NAPA: variants seen among roughly 807,000 people sequenced by gnomAD.
NAPA encodes the protein alpha-soluble NSF attachment protein.
NAPA carries 18 observed loss-of-function variants against 48.0 expected under a neutral mutation model. The ratio of observed to expected loss-of-function variants is 0.38; its 90% CI spans 0.26 to 0.56. The LOEUF (loss-of-function observed/expected upper bound fraction) is 0.56. Ranked by LOEUF, NAPA falls within the 20% of genes least tolerant of loss-of-function variation. NAPA has a pLI of 0.77. For synonymous variants in NAPA, 152 were observed against 149.9 expected (o/e 1.01, Z -0.10); for missense variants, 315 against 385.0 (o/e 0.82, Z 1.52).
At chr19:47,494,569 C>T (rs547153813) in intron 4 of NAPA, among the ~76,000 whole-genome samples, 2 of 152,022 alleles carry the variant, frequency 1.3e-5, no homozygotes, top group South Asian at 4.2e-4. Flanking sequence ...GAAACCACAT[C>T]TCTACTGAAA....
chr19:47,494,780 C>CA (rs1968376586), intron 4 of NAPA, among the ~76,000 whole-genome samples: 1 of 145,682 alleles, frequency 6.9e-6, no homozygotes, highest in African/African-American at 2.5e-5. Flanking sequence ...AAAGCACTGA[C>CA]AGGAGCCCCG....
intron 2 of NAPA, among the ~76,000 whole-genome samples, chr19:47,501,246 C>T (rs1439933887): frequency 6.6e-6 from 1 of 152,184 alleles, no homozygotes; most frequent in African/African-American, 2.4e-5. Flanking sequence ...GGGCCCAGAA[C>T]CACCACTAGA....
chr19:47,513,539 G>C (rs1228646377), intron 1 of NAPA, among the ~76,000 whole-genome samples: 1 of 152,168 alleles, frequency 6.6e-6, no homozygotes, highest in Non-Finnish European at 1.5e-5. Context: ...GCACTTCTAA[G>C]CCACTACAAT....
At position 47,506,573 on chromosome 19, in the gene NAPA, G is replaced by C. The variant is rs1365343513; in HGVS notation, c.99-3071C>G. ...TCTGAAAAAGCACAGACCCTGGATG[G>C]GCAGAAATGACCCACGTCACTGAGT... On this transcript the variant is annotated intron_variant, in intron 1 of 10. Transcript: ENST00000263354. This position sits in a 1 kb window ranked among gnomAD's most constrained non-coding sequence, Gnocchi z 4.0. Among the ~76,000 whole-genome samples the C allele has an allele frequency of 6.6e-6, 1 of 152,202 alleles. No individual in the cohort carries two copies. The highest frequency in any genetic ancestry group is 1.5e-5 in the Non-Finnish European group (1 of 68,046).
chr19:47,499,995 C>T (rs571067620), intron 3 of NAPA, among the ~76,000 whole-genome samples: 123 of 152,320 alleles, frequency 8.1e-4, no homozygotes, highest in African/African-American at 2.3e-3. Flanking sequence ...TTAAAATTCC[C>T]GCCACATGCA....
intron 8 of NAPA, among the ~76,000 whole-genome samples, chr19:47,491,753 G>A (rs967689335): frequency 5.9e-5 from 9 of 152,184 alleles, no homozygotes; most frequent in African/African-American, 1.7e-4. Context: ...GGGGTGCAGT[G>A]AGGATTCAAA....
chr19:47,492,481 C>T (rs553279532), intron 7 of NAPA: 15 of 391,232 alleles, frequency 3.8e-5, no homozygotes, highest in East Asian at 3.5e-4. Flanking sequence ...TGAGAGGCGG[C>T]GCCCGCCCCT....
At chr19:47,491,081 G>T (rs1968253372) in intron 8 of NAPA, 1 of 477,734 alleles carries the variant, frequency 2.1e-6, no homozygotes, top group Admixed American at 3.9e-5. Flanking sequence ...GGTGGGTGGA[G>T]GGGGAAGGTT....
chr19:47,488,136 G>A lies in NAPA; in HGVS notation c.*152C>T, dbSNP rs537704161. The stretch of plus-strand genomic sequence containing the variant: ...CCGGCCAGCAGCCTGGGCCTCTGGC[G>A]CCCCTGCATGCTGACCCCCGGTGCC... On this transcript the variant is annotated 3_prime_UTR_variant, in exon 11 of 11. Coordinates refer to ENST00000263354, the MANE Select transcript of NAPA (RefSeq NM_003827.4). The A allele has an allele frequency of 6.1e-5, 39 of 636,984 alleles. No individual in the cohort carries two copies. Among genetic ancestry groups the A allele is most frequent in the African/African-American group, 2.0e-4 (11 of 55,068 alleles). 39.5% of individuals were successfully genotyped at this position (636,984 alleles called of 1,614,324 possible).
In NAPA at chr19:47,488,429, C is replaced by T. The variant is rs774864839; in HGVS notation, c.787-40G>A. 7.2e-5 allele frequency: 110 copies of T among 1,532,206 alleles called. No homozygotes were observed. The South Asian group carries it at 7.2e-4, about 10-fold the overall frequency. 94.9% of individuals were successfully genotyped at this position (1,532,206 alleles called of 1,614,324 possible). ...GGTGATAGGCTGGCCATGCTCCCCC[C>T]GTTCCCAACCCTGCAGCCCAAGGGC... On this transcript the variant is annotated intron_variant, in intron 10 of 10. Transcript: ENST00000263354.
chr19:47,486,607 C>A (rs1010782337), downstream of NAPA, among the ~76,000 whole-genome samples: 40 of 152,326 alleles, frequency 2.6e-4, no homozygotes, highest in Non-Finnish European at 4.6e-4. Flanking sequence ...AGCCCCAAGT[C>A]TGGATACTTT....
intron 1 of NAPA, among the ~76,000 whole-genome samples, chr19:47,514,228 A>T (rs999906370): frequency 6.6e-6 from 1 of 151,770 alleles, no homozygotes; most frequent in African/African-American, 2.4e-5. Flanking sequence ...CACACTTCAG[A>T]CGCGGCTCAC....
intron 1 of NAPA, among the ~76,000 whole-genome samples, chr19:47,507,492 G>C (rs1396021598): frequency 6.6e-6 from 1 of 152,118 alleles, no homozygotes; most frequent in Non-Finnish European, 1.5e-5. Flanking sequence ...CACGAGGCAG[G>C]GTGGACAAAG....
downstream of NAPA, among the ~76,000 whole-genome samples, chr19:47,486,372 A>C (rs554684992): frequency 2.0e-5 from 3 of 152,136 alleles, no homozygotes; most frequent in East Asian, 5.8e-4. Context: ...AAACAAACCC[A>C]AAAACCCCCA....
intron 2 of NAPA, among the ~76,000 whole-genome samples, chr19:47,502,292 G>A (rs116049214): frequency 0.02 from 3,009 of 150,934 alleles, 50 homozygotes; most frequent in Middle Eastern, 0.055. Flanking sequence ...GGATATTACC[G>A]GGGGGAAATG....
At chr19:47,507,754 C>T (rs1026814966) in intron 1 of NAPA, among the ~76,000 whole-genome samples, 6 of 152,202 alleles carry the variant, frequency 3.9e-5, no homozygotes, top group African/African-American at 1.4e-4. Context: ...GCCTCCCAGG[C>T]ACTCCCCTGG....
At chr19:47,490,004 A>G (rs1159347562) in intron 9 of NAPA, among the ~76,000 whole-genome samples, 5 of 151,740 alleles carry the variant, frequency 3.3e-5, no homozygotes, top group African/African-American at 1.2e-4. Flanking sequence ...CATCACACAG[A>G]ATGTGTGTGT....
At chr19:47,485,061 A>G (rs1248641795), downstream of NAPA, among the ~76,000 whole-genome samples, 1 of 152,138 alleles carries the variant, frequency 6.6e-6, no homozygotes. Flanking sequence ...CTTGCCCCCA[A>G]GGAAAAATGA....
intron 4 of NAPA, among the ~76,000 whole-genome samples, chr19:47,494,319 A>G (rs907940351): frequency 6.6e-6 from 1 of 152,144 alleles, no homozygotes; most frequent in Non-Finnish European, 1.5e-5. Context: ...CTGGCCTAAT[A>G]AATGGCAGCT....
Sources: gnomAD v4.1 joint callset for allele counts (sites outside exome capture counted in the v4.1 genomes callset) on GRCh38, gnomAD v4.1.1 for gene constraint, Gnocchi (gnomAD v3.1) non-coding constraint, MANE v1.5 for transcripts, NCBI Gene and HGNC (gene_info 2026-07-23, HGNC 2026-07-21) for gene names.